The following LOXL2 variants were observed in gnomAD, a reference collection of about 807,000 sequenced individuals.
LOXL2 encodes the protein lysyl oxidase homolog 2.
Under a neutral mutation model 93.0 loss-of-function variants are expected in LOXL2, and 70 were observed. The observed-to-expected ratio is 0.75, with a 90% confidence interval of 0.62 to 0.92. The LOEUF (loss-of-function observed/expected upper bound fraction) is 0.92. Among genes scored for constraint, LOXL2 ranks in the 40% least tolerant of loss-of-function variants. The pLI is 0.00. For missense variants in LOXL2, 973 were observed against 1,054.9 expected (o/e 0.92, Z 1.08); for synonymous variants, 438 against 413.2 (o/e 1.06, Z -0.73).
chr8:23,349,822 G>T (rs185124222), intron 3 of LOXL2, among the ~76,000 whole-genome samples: 1 of 151,672 alleles, frequency 6.6e-6, no homozygotes, highest in East Asian at 2.0e-4. Context: ...ACACAGAGTG[G>T]GTCCCCAAAC....
intron 2 of LOXL2, among the ~76,000 whole-genome samples, chr8:23,367,141 C>T (rs1463062664): frequency 3.9e-5 from 6 of 152,152 alleles, no homozygotes; most frequent in Non-Finnish European, 7.3e-5. Context: ...CTCCGCCTCC[C>T]GGGTTCAAGC....
chr8:23,298,192 G>A, intron 13 of LOXL2, 70 bp from the exon 14 acceptor site: 1 of 1,243,186 alleles, frequency 8.0e-7, no homozygotes, highest in Non-Finnish European at 1.2e-6. Flanking sequence ...CCCTGAGCCA[G>A]GGGAGTGGGC....
intron 10 of LOXL2, among the ~76,000 whole-genome samples, chr8:23,305,212 A>G (rs1302129866): frequency 3.9e-5 from 6 of 152,228 alleles, no homozygotes; most frequent in Non-Finnish European, 8.8e-5. Flanking sequence ...GAAAGACTGA[A>G]GAGAAATAGG....
intron 3 of LOXL2, among the ~76,000 whole-genome samples, chr8:23,355,742 TGGG>T (rs1209247466): frequency 1.8e-4 from 28 of 151,800 alleles, no homozygotes; most frequent in Admixed American, 1.8e-3. Flanking sequence ...CCCAGGTAGC[TGGG>T]ACCACAGGCA....
chr8:23,322,888 G>A (rs1047025767), intron 6 of LOXL2, among the ~76,000 whole-genome samples: 4 of 152,188 alleles, frequency 2.6e-5, no homozygotes, highest in Non-Finnish European at 5.9e-5. Context: ...CCCCTGCCCC[G>A]AAGAGCTCCC....
At chr8:23,376,549 G>A (rs1489366455) in intron 1 of LOXL2, among the ~76,000 whole-genome samples, 2 of 152,112 alleles carry the variant, frequency 1.3e-5, no homozygotes. Flanking sequence ...GTAGAATTCG[G>A]CTGCGAATCT....
intron 9 of LOXL2, among the ~76,000 whole-genome samples, chr8:23,311,705 T>C (rs1310134465): frequency 1.3e-5 from 2 of 152,146 alleles, no homozygotes; most frequent in African/African-American, 4.8e-5. Context: ...GCTCGAGTAT[T>C]ACGATGCTCT....
chr8:23,376,555 A>G (rs1324121629), intron 1 of LOXL2, among the ~76,000 whole-genome samples: 1 of 152,132 alleles, frequency 6.6e-6, no homozygotes. Flanking sequence ...TTCGGCTGCG[A>G]ATCTGTCTGG....
At chr8:23,381,606 C>A (rs905669952) in intron 1 of LOXL2, among the ~76,000 whole-genome samples, 16 of 152,184 alleles carry the variant, frequency 1.1e-4, no homozygotes, top group African/African-American at 3.6e-4. Flanking sequence ...TTACTGGCCA[C>A]CTGTATTTCT....
intron 10 of LOXL2, among the ~76,000 whole-genome samples, chr8:23,305,729 C>T (rs764235814): frequency 6.6e-6 from 1 of 152,138 alleles, no homozygotes; most frequent in African/African-American, 2.4e-5. Flanking sequence ...GAGAGAGAGC[C>T]TGACACTTGG....
Position 23,368,197 on chromosome 8 carries a change from T to C in LOXL2, c.155A>G (p.Asn52Ser), listed in dbSNP as rs368172373. 5.8e-5 allele frequency: 94 copies of C among 1,613,952 alleles called. No homozygotes were observed. Among genetic ancestry groups the C allele is most frequent in the Non-Finnish European group, 6.9e-5 (81 of 1,180,044 alleles). Residue 52 changes from asparagine to serine, a missense_variant, in exon 2 of 14, where the codon AAC (asparagine) becomes AGC (serine). Asn to Ser is a conservative substitution (Grantham distance 46, BLOSUM62 1). Coordinates refer to ENST00000389131, the MANE Select transcript of LOXL2 (RefSeq NM_002318.3). ...PEYHQPQAPA[N>S]VAKIQLRLAG... ...CAGGCGCAGCTGAATCTTGGCCACG[T>C]TGGCGGGGGCCTGGGGCTGGTGATA...
intron 6 of LOXL2, among the ~76,000 whole-genome samples, chr8:23,327,448 C>T (rs2117165024): frequency 6.6e-6 from 1 of 152,264 alleles, no homozygotes; most frequent in Non-Finnish European, 1.5e-5. Context: ...TGGAAATATC[C>T]CCTCCCCACT....
intron 6 of LOXL2, among the ~76,000 whole-genome samples, chr8:23,327,739 CCTCTT>C (rs1803603905): frequency 1.3e-5 from 2 of 152,180 alleles, no homozygotes; most frequent in African/African-American, 4.8e-5. Context: ...GGAGAAATGA[CCTCTT>C]CTGTGTCGTC....
At position 23,354,565 on chromosome 8, in the gene LOXL2, A is replaced by G. The variant is rs952249683; in HGVS notation, c.531+5525T>C. The stretch of plus-strand genomic sequence containing the variant: ...AAGAGAGAACCCAAGCACACAATAC[A>G]CATGCTGGTTGGCATCCCTTCTCTG... On this transcript the variant is annotated intron_variant, in intron 3 of 13. Transcript: ENST00000389131. 3.4e-5 allele frequency among the ~76,000 whole-genome samples: 5 copies of G among 147,824 alleles called. No homozygotes were observed. The East Asian group carries it at 1.1e-3, about 31-fold the overall frequency.
At chr8:23,398,271 T>C (rs1800119188) in intron 1 of LOXL2, among the ~76,000 whole-genome samples, 1 of 152,244 alleles carries the variant, frequency 6.6e-6, no homozygotes, top group Non-Finnish European at 1.5e-5. Flanking sequence ...GCATCATTTT[T>C]GCAGAAGATA....
At position 23,360,214 on chromosome 8, in the gene LOXL2, G is replaced by T; in HGVS notation, c.407C>A (p.Ala136Glu). Residue 136 changes from alanine (A) to glutamate (E), a missense_variant, in exon 3 of 14, where the codon GCA (alanine) becomes GAA (glutamate). Transcript: ENST00000389131. ...LHCTGNEATL[A>E]ACTSNGWGVT... is the part of the protein sequence containing the mutation. The stretch of plus-strand genomic sequence containing the variant: ...GCCCCAGCCATTGGAGGTGCATGCT[G>T]CAAGGGTCGCCTCGTTGCCAGTACA... 6.2e-7 allele frequency: 1 copy of T among 1,613,962 alleles called. No homozygotes were observed. The highest frequency in any genetic ancestry group is 8.5e-7 in the Non-Finnish European group (1 of 1,179,900).
intron 10 of LOXL2, among the ~76,000 whole-genome samples, chr8:23,304,118 C>T (rs960740744): frequency 7.2e-5 from 11 of 152,152 alleles, no homozygotes; most frequent in African/African-American, 2.2e-4. Context: ...GACTCATCCT[C>T]AGGGGCACAC....
chr8:23,311,623 G>T (rs1057295167), intron 9 of LOXL2, among the ~76,000 whole-genome samples: 2 of 152,172 alleles, frequency 1.3e-5, no homozygotes, highest in Non-Finnish European at 2.9e-5. Flanking sequence ...GCTGCCATGG[G>T]TTGGGGACTT....
Position 23,341,182 on chromosome 8 carries a change from C to T in LOXL2, c.553G>A (p.Asp185Asn). 1 of 1,613,394 alleles carries T rather than the reference C, an allele frequency of 6.2e-7. No homozygotes were observed. The highest frequency in any genetic ancestry group is 1.1e-5 in the South Asian group (1 of 91,052). Residue 185 changes from aspartate (D) to asparagine (N), a missense_variant, in exon 4 of 14, where the codon GAC becomes AAC. Physicochemically the swap from Asp to Asn is conservative, Grantham distance 23. Coordinates refer to ENST00000389131, the MANE Select transcript of LOXL2 (RefSeq NM_002318.3). ...GAGAGGATGGCTCGAATCCGAATGTCCTCCACCTGGATATTCAGGTTCTGG... is the reference window on the plus strand; with the variant it reads ...GAGAGGATGGCTCGAATCCGAATGTTCTCCACCTGGATATTCAGGTTCTGG... ...QIENLNIQVE[D>N]IRIRAILSTY...
Sources: allele counts gnomAD v4.1 joint callset (sites outside exome capture counted in the v4.1 genomes callset), GRCh38; gene constraint gnomAD v4.1.1; transcripts MANE v1.5; gene names NCBI Gene and HGNC (gene_info 2026-07-23, HGNC 2026-07-21).